Variants in LMO1 observed in about 807,000 individuals in gnomAD.
LMO1 encodes rhombotin-1.
In LMO1, 10 loss-of-function variants were observed where a neutral mutation model predicts 18.0. The observed-to-expected ratio is 0.55, with a 90% CI of 0.34 to 0.94. LMO1 has a LOEUF of 0.94. Ranked by LOEUF, LMO1 falls within the 40% of genes least tolerant of loss-of-function variation. The pLI is 0.02. For synonymous variants in LMO1, 77 were observed against 77.9 expected, an observed-to-expected ratio of 0.99 and a Z score of 0.06; for missense variants, 183 against 205.7, an observed-to-expected ratio of 0.89 and a Z score of 0.68.
At chr11:8,253,113 C>T (rs2134573150) in intron 1 of LMO1, among the ~76,000 whole-genome samples, 1 of 152,300 alleles carries the variant, frequency 6.6e-6, no homozygotes, top group South Asian at 2.1e-4. Context: ...AGGACAGAGC[C>T]CTGTCTCCAA....
At chr11:8,224,869 GC>G in intron 3 of LMO1, 148 bp from the exon 4 acceptor site, 1 of 638,466 alleles carries the variant, frequency 1.6e-6, no homozygotes, top group South Asian at 1.8e-5. Flanking sequence ...AGAGGGAACT[GC>G]CAAAAGTCCC....
intron 1 of LMO1, among the ~76,000 whole-genome samples, chr11:8,257,514 C>A (rs1847116989): frequency 6.6e-6 from 1 of 152,224 alleles, no homozygotes; most frequent in African/African-American, 2.4e-5. Flanking sequence ...CCCAGTCCAG[C>A]TGATGTTTGC....
chr11:8,231,473 C>T (rs544866921), intron 1 of LMO1, among the ~76,000 whole-genome samples: 1 of 152,352 alleles, frequency 6.6e-6, no homozygotes, highest in South Asian at 2.1e-4. Context: ...GAGATGGGGA[C>T]ATATGTCGTC....
chr11:8,259,966 G>A (rs548983302), intron 1 of LMO1, among the ~76,000 whole-genome samples: 23 of 152,172 alleles, frequency 1.5e-4, no homozygotes, highest in Admixed American at 8.5e-4. Context: ...TCCACAACCC[G>A]CCTGCTGCTT....
At chr11:8,249,649 C>T (rs185711765) in intron 1 of LMO1, among the ~76,000 whole-genome samples, 26 of 152,312 alleles carry the variant, frequency 1.7e-4, no homozygotes, top group Admixed American at 1.4e-3. Flanking sequence ...CTCCTACCCA[C>T]GGCCTGCAAG....
At chr11:8,255,857 G>A (rs1352762902) in intron 1 of LMO1, among the ~76,000 whole-genome samples, 3 of 113,256 alleles carry the variant, frequency 2.6e-5, no homozygotes, top group Admixed American at 1.4e-4. Context: ...ACGGAGTCTC[G>A]CTCTGTCGCC....
At chr11:8,234,093 C>T (rs530210895) in intron 1 of LMO1, among the ~76,000 whole-genome samples, 1 of 152,216 alleles carries the variant, frequency 6.6e-6, no homozygotes, top group African/African-American at 2.4e-5. Flanking sequence ...AACCCAGGGT[C>T]ACCCCTAAGT....
chr11:8,233,331 G>C (rs1952703020), intron 1 of LMO1, among the ~76,000 whole-genome samples: 2 of 152,176 alleles, frequency 1.3e-5, no homozygotes, highest in African/African-American at 4.8e-5. Flanking sequence ...CCCATGGGAG[G>C]GGCCTGGGAC....
chr11:8,243,290 C>T (rs888817476), intron 1 of LMO1, among the ~76,000 whole-genome samples: 4 of 152,216 alleles, frequency 2.6e-5, no homozygotes, highest in Non-Finnish European at 2.9e-5. Context: ...TTCAGCCCCC[C>T]GCATGGCTGA....
intron 1 of LMO1, among the ~76,000 whole-genome samples, chr11:8,237,195 C>T (rs1049915549): frequency 7.3e-5 from 11 of 151,104 alleles, no homozygotes; most frequent in Middle Eastern, 3.4e-3. Flanking sequence ...GGTCTGGGTC[C>T]CTGTCACCTT....
chr11:8,236,702 C>G (rs1447086712), intron 1 of LMO1, among the ~76,000 whole-genome samples: 1 of 152,128 alleles, frequency 6.6e-6, no homozygotes, highest in African/African-American at 2.4e-5. Flanking sequence ...TCCACATGAT[C>G]ACACACGTAC....
intron 1 of LMO1, among the ~76,000 whole-genome samples, chr11:8,256,145 G>A (rs952359796): frequency 3.3e-5 from 5 of 152,294 alleles, no homozygotes; most frequent in South Asian, 2.1e-4. Flanking sequence ...TTTTAAGTAC[G>A]GGTTCAGTAT....
chr11:8,254,449 G>C (rs1424778499), intron 1 of LMO1, among the ~76,000 whole-genome samples: 2 of 152,210 alleles, frequency 1.3e-5, no homozygotes, highest in African/African-American at 4.8e-5. Context: ...TTTGAGGCTA[G>C]GGGCCAACCA....
intron 1 of LMO1, among the ~76,000 whole-genome samples, chr11:8,258,072 A>G (rs1020218708): frequency 6.6e-6 from 1 of 152,242 alleles, no homozygotes; most frequent in Non-Finnish European, 1.5e-5. Context: ...CAACCTCTAC[A>G]CTGGGTGGAC....
chr11:8,227,696 T>C (rs889220555), intron 2 of LMO1, among the ~76,000 whole-genome samples: 3 of 152,238 alleles, frequency 2.0e-5, no homozygotes, highest in Non-Finnish European at 4.4e-5. Flanking sequence ...GGTGGTACTA[T>C]TATTATTCCC....
chr11:8,265,347 G>A (rs1847250043), upstream of LMO1, among the ~76,000 whole-genome samples: 1 of 152,164 alleles, frequency 6.6e-6, no homozygotes, highest in Non-Finnish European at 1.5e-5. Context: ...GTTTGAAGGA[G>A]ACCTGGAGGC....
Position 8,263,393 on chromosome 11 carries a change from G to T in LMO1, c.-31C>A. ...GCGCTCCGTGTCCAGCCGCAGCTAG[G>T]CTCGGCCGGGAGAAGGGCGCCGACT... On this transcript the variant is annotated 5_prime_UTR_variant, in exon 1 of 4. Coordinates refer to ENST00000335790, the MANE Select transcript of LMO1 (RefSeq NM_002315.3). The T allele has an allele frequency of 1.3e-6, 2 of 1,598,570 alleles. No homozygotes were observed. The highest frequency in any genetic ancestry group is 1.7e-5 in the Admixed American group (1 of 59,272).
intron 1 of LMO1, among the ~76,000 whole-genome samples, chr11:8,244,618 T>C (rs1030012685): frequency 2.0e-5 from 3 of 152,264 alleles, no homozygotes; most frequent in Middle Eastern, 3.2e-3. Context: ...TACTTTTTAA[T>C]TAAATCCAAA....
chr11:8,252,955 G>A (rs1847028989), intron 1 of LMO1, among the ~76,000 whole-genome samples: 1 of 152,260 alleles, frequency 6.6e-6, no homozygotes, highest in Non-Finnish European at 1.5e-5. Context: ...TGCCACAGTG[G>A]CATATATACT....
Sources: gnomAD v4.1 joint callset for allele counts (sites outside exome capture counted in the v4.1 genomes callset) on GRCh38, gnomAD v4.1.1 for gene constraint, MANE v1.5 for transcripts, NCBI Gene and HGNC (gene_info 2026-07-23, HGNC 2026-07-21) for gene names.